The following RPS6KA2 variants were observed in gnomAD, a reference collection of about 807,000 sequenced individuals.
RPS6KA2 encodes ribosomal protein S6 kinase A2, also known as ribosomal protein S6 kinase alpha-2.
In RPS6KA2, 42 loss-of-function variants were observed where a neutral mutation model predicts 91.8. The observed-to-expected ratio is 0.46, with a 90% CI of 0.36 to 0.59. RPS6KA2 has a LOEUF of 0.59. Ranked by LOEUF, RPS6KA2 falls within the 20% of genes least tolerant of loss-of-function variation. RPS6KA2 has a pLI of 0.00. For missense variants in RPS6KA2, 798 were observed against 978.5 expected (o/e 0.82, Z 2.46); for synonymous variants, 414 against 393.6 (o/e 1.05, Z -0.61).
intron 2 of RPS6KA2, among the ~76,000 whole-genome samples, chr6:166,842,161 G>A (rs967043991): frequency 3.9e-5 from 6 of 152,170 alleles, no homozygotes; most frequent in African/African-American, 1.4e-4. Context: ...GACCCACAAC[G>A]CCAACCGAAC....
At chr6:166,536,862 A>G (rs1437575426) in intron 2 of RPS6KA2, among the ~76,000 whole-genome samples, 1 of 152,254 alleles carries the variant, frequency 6.6e-6, no homozygotes, top group African/African-American at 2.4e-5. Context: ...AAGTGGTGAA[A>G]GGCTGGGAAG....
intron 2 of RPS6KA2, among the ~76,000 whole-genome samples, chr6:166,749,681 C>T (rs994892806): frequency 4.2e-4 from 6 of 14,288 alleles, no homozygotes; most frequent in Non-Finnish European, 7.1e-4. Context: ...GCCCCCATCT[C>T]CTCGGTCCCC....
chr6:166,485,709 G>A (rs534551115), intron 10 of RPS6KA2, among the ~76,000 whole-genome samples: 2 of 151,550 alleles, frequency 1.3e-5, no homozygotes, highest in Non-Finnish European at 3.0e-5. Flanking sequence ...CTCCCCAGAC[G>A]CACGGTGATG....
At chr6:166,671,390 T>C (rs1437100753) in intron 2 of RPS6KA2, among the ~76,000 whole-genome samples, 1 of 152,184 alleles carries the variant, frequency 6.6e-6, no homozygotes, top group Admixed American at 6.5e-5. Context: ...TATTAACACC[T>C]GGGACTGCTG....
chr6:166,815,203 A>G (rs1384466595), intron 2 of RPS6KA2, among the ~76,000 whole-genome samples: 3 of 152,234 alleles, frequency 2.0e-5, no homozygotes, highest in Non-Finnish European at 2.9e-5. Flanking sequence ...TGAATTTAAG[A>G]ACTATTCTGA....
chr6:166,485,301 G>T (rs1375119496), intron 10 of RPS6KA2, among the ~76,000 whole-genome samples: 1 of 152,246 alleles, frequency 6.6e-6, no homozygotes, highest in African/African-American at 2.4e-5. Flanking sequence ...AGAGTTGAGA[G>T]ATGAGTGGAA....
chr6:166,727,471 GAACATCAGCACCCTCA>G (rs1583054676), intron 2 of RPS6KA2, among the ~76,000 whole-genome samples: 4 of 152,146 alleles, frequency 2.6e-5, no homozygotes, highest in Admixed American at 6.5e-5. Context: ...CCAGCACCCA[GAACATCAGCACCCTCA>G]GGTATCAGCA....
At chr6:166,722,860 T>C (rs1415909510) in intron 2 of RPS6KA2, among the ~76,000 whole-genome samples, 3 of 152,226 alleles carry the variant, frequency 2.0e-5, no homozygotes, top group African/African-American at 7.2e-5. Flanking sequence ...CATTCCTCTC[T>C]GCATTTCTGG....
At chr6:166,782,535 C>G (rs1414485751) in intron 2 of RPS6KA2, among the ~76,000 whole-genome samples, 1 of 152,164 alleles carries the variant, frequency 6.6e-6, no homozygotes, top group Admixed American at 6.5e-5. Flanking sequence ...AGCACTGAAG[C>G]AGCAGCACGA....
At chr6:166,792,058 CA>C (rs1295280882) in intron 2 of RPS6KA2, among the ~76,000 whole-genome samples, 8 of 151,852 alleles carry the variant, frequency 5.3e-5, no homozygotes, top group African/African-American at 1.7e-4. Context: ...AAAAACTCTT[CA>C]AAAAATCAAT....
chr6:166,580,346 G>A (rs1006640870), intron 1 of RPS6KA2, among the ~76,000 whole-genome samples: 1 of 152,188 alleles, frequency 6.6e-6, no homozygotes, highest in Non-Finnish European at 1.5e-5. Flanking sequence ...CCATAGTCCC[G>A]TGCATATCCA....
chr6:166,603,438 C>T lies in RPS6KA2; in HGVS notation c.99+23483G>A, dbSNP rs1785822681. On this transcript the variant is annotated intron_variant, in intron 1 of 20. Coordinates refer to ENST00000265678, the MANE Select transcript of RPS6KA2 (RefSeq NM_021135.6). The surrounding 1 kb of genome is among the most constrained non-coding windows in gnomAD (Gnocchi z 4.3). ...TTCCTCCAGTCCAGCATCCACCAGCCACACGGGAGATGGTGTGGGATGTGG... is the reference window on the plus strand; with the variant it reads ...TTCCTCCAGTCCAGCATCCACCAGCTACACGGGAGATGGTGTGGGATGTGG... 1.3e-5 allele frequency among the ~76,000 whole-genome samples: 2 copies of T among 152,292 alleles called. No homozygotes were observed. The highest frequency in any genetic ancestry group is 2.9e-5 in the Non-Finnish European group (2 of 68,024).
rs1429882426 is a variant in RPS6KA2 at position 166,538,680 on chromosome 6, T to C, written c.204A>G (p.Gly68=). ...QFELLKVLGQ[G]SYGKVFLVRK... ...GGGCTGAACTTACCTTTCCATAGGATCCTTGTCCTAAAACCTTCAGCAGCT... is the reference window on the plus strand; with the variant it reads ...GGGCTGAACTTACCTTTCCATAGGACCCTTGTCCTAAAACCTTCAGCAGCT... The change falls in exon 2 of 21, where the codon GGA becomes GGG. Residue 68 remains glycine, a synonymous_variant. Coordinates refer to ENST00000265678, the MANE Select transcript of RPS6KA2 (RefSeq NM_021135.6). 6.3e-7 allele frequency: 1 copy of C among 1,594,244 alleles called. No homozygotes were observed. The highest frequency in any genetic ancestry group is 2.2e-5 in the East Asian group (1 of 44,774).
chr6:166,690,113 G>T (rs1789159582), intron 2 of RPS6KA2, among the ~76,000 whole-genome samples: 1 of 152,232 alleles, frequency 6.6e-6, no homozygotes, highest in African/African-American at 2.4e-5. Context: ...CCAAGCTGAG[G>T]GGTGGAGGGA....
chr6:166,754,529 C>A (rs1440118271), intron 2 of RPS6KA2, among the ~76,000 whole-genome samples: 1 of 152,114 alleles, frequency 6.6e-6, no homozygotes, highest in Non-Finnish European at 1.5e-5. Flanking sequence ...TGGTACTGGG[C>A]CCTGGGAGGA....
At chr6:166,509,362 C>G (rs969688052) in intron 4 of RPS6KA2, 2 of 170,280 alleles carry the variant, frequency 1.2e-5, no homozygotes, top group African/African-American at 4.8e-5. Flanking sequence ...ACACCAGCCA[C>G]TTGGCAGCAG....
chr6:166,489,010 A>G (rs183676204), intron 9 of RPS6KA2, 89 bp from the exon 10 acceptor site: 8 of 1,113,336 alleles, frequency 7.2e-6, no homozygotes, highest in Middle Eastern at 1.9e-4. Context: ...AGAGACCTCA[A>G]TCGCAGTCAC....
At chr6:166,728,365 GT>G (rs1264440134) in intron 2 of RPS6KA2, among the ~76,000 whole-genome samples, 5 of 152,338 alleles carry the variant, frequency 3.3e-5, no homozygotes, top group Admixed American at 3.3e-4. Context: ...GGACGCAGGG[GT>G]CCCCCGGGGT....
chr6:166,466,222 C>T (rs936845720), intron 11 of RPS6KA2, among the ~76,000 whole-genome samples: 2 of 152,232 alleles, frequency 1.3e-5, no homozygotes, highest in Non-Finnish European at 2.9e-5. Context: ...GAGACCAGAG[C>T]ACCCTGAGCA....
Sources: gnomAD v4.1 joint callset for allele counts (sites outside exome capture counted in the v4.1 genomes callset) on GRCh38, gnomAD v4.1.1 for gene constraint, Gnocchi (gnomAD v3.1) non-coding constraint, MANE v1.5 for transcripts, NCBI Gene and HGNC (gene_info 2026-07-23, HGNC 2026-07-21) for gene names.